MEI1: variants seen among roughly 807,000 people sequenced by gnomAD.
MEI1 encodes the protein meiosis inhibitor protein 1.
MEI1 carries 103 observed loss-of-function variants against 146.2 expected under a neutral mutation model. That is an observed-to-expected ratio of 0.70 (90% CI 0.60 to 0.83). The LOEUF is 0.83. Among genes scored for constraint, MEI1 ranks in the 40% least tolerant of loss-of-function variants. The pLI, the probability that MEI1 is intolerant of heterozygous loss-of-function variation, is 0.00. For synonymous variants in MEI1, 652 were observed against 628.2 expected (o/e 1.04, Z -0.57); for missense variants, 1,529 against 1,533.0 (o/e 1.00, Z 0.04).
chr22:41,781,842 G>T lies in MEI1; in HGVS notation c.3084G>T (p.Leu1028Phe). Residue 1028 changes from leucine (L) to phenylalanine (F), a missense_variant, in exon 24 of 31, where the codon TTG becomes TTT. Leu to Phe is a conservative substitution (Grantham distance 22). This residue lies in a region of MEI1 where 313 missense variants were observed against 337.3 expected (regional missense o/e 0.93). Coordinates refer to ENST00000401548, the MANE Select transcript of MEI1 (RefSeq NM_152513.4). The stretch of plus-strand genomic sequence containing the variant: ...CTGCCCAGCAGCACAAGGGCAGTTT[G>T]CAGGTTAGTCTTTAACTCCTGTGGC... Reference protein sequence around the residue: ...SFSAQQHKGSLQVHQTLSVEM... With the variant: ...SFSAQQHKGSFQVHQTLSVEM... 1 of 1,613,950 alleles carries T rather than the reference G, an allele frequency of 6.2e-7. No homozygotes were observed. Among genetic ancestry groups the T allele is most frequent in the East Asian group, 2.2e-5 (1 of 44,882 alleles).
intron 6 of MEI1, among the ~76,000 whole-genome samples, chr22:41,723,457 C>T (rs2071046854): frequency 6.6e-6 from 1 of 152,158 alleles, no homozygotes; most frequent in African/African-American, 2.4e-5. Flanking sequence ...TCAAGTGATA[C>T]ACCCACCTTG....
chr22:41,752,538 C>T (rs1001229207), intron 15 of MEI1, 53 bp from the exon 16 acceptor site: 2 of 1,498,914 alleles, frequency 1.3e-6, no homozygotes, highest in African/African-American at 2.8e-5. Flanking sequence ...TTGGGACTCT[C>T]TGTGACAAGT....
chr22:41,793,032 CTTTTTTTTTTTTTTTTT>C (rs869223251), intron 26 of MEI1, among the ~76,000 whole-genome samples: 3 of 48,398 alleles, frequency 6.2e-5, no homozygotes, highest in Non-Finnish European at 1.1e-4. Flanking sequence ...ACAAAGCATT[CTTTTTTTTTTTTTTTTT>C]TTTTTTTTTT....
intron 11 of MEI1, among the ~76,000 whole-genome samples, chr22:41,732,932 C>T (rs575957384): frequency 1.4e-3 from 215 of 151,972 alleles, no homozygotes; most frequent in African/African-American, 4.8e-3. Context: ...AGGTGTGTAC[C>T]ACCATGCCCA....
At chr22:41,703,542 G>C (rs2068865992) in intron 2 of MEI1, 88 bp downstream of exon 2, 2 of 1,258,570 alleles carry the variant, frequency 1.6e-6, no homozygotes, top group Non-Finnish European at 2.1e-6. Flanking sequence ...GATCTTAGAT[G>C]ATTTAGGTTT....
At chr22:41,745,828 T>G in intron 13 of MEI1, 57 bp from the exon 14 acceptor site, 1 of 1,511,014 alleles carries the variant, frequency 6.6e-7, no homozygotes. Context: ...AGGAAGCTGT[T>G]TGTAACCTTT....
intron 3 of MEI1, among the ~76,000 whole-genome samples, chr22:41,710,891 C>T (rs1445265777): frequency 6.6e-6 from 1 of 152,158 alleles, no homozygotes; most frequent in Non-Finnish European, 1.5e-5. Context: ...TCAATTTAGC[C>T]TTGACAAGGG....
At chr22:41,793,175 T>C (rs1428748688) in intron 26 of MEI1, among the ~76,000 whole-genome samples, 2 of 151,304 alleles carry the variant, frequency 1.3e-5, no homozygotes, top group East Asian at 3.9e-4. Context: ...TAGCTGGGAT[T>C]ACAGGCGCCC....
intron 7 of MEI1, 71 bp from the exon 8 acceptor site, chr22:41,729,594 G>T: frequency 2.2e-6 from 2 of 912,890 alleles, no homozygotes; most frequent in East Asian, 2.6e-5. Context: ...ATTGCCCTGA[G>T]GCACCTAGGC....
intron 7 of MEI1, among the ~76,000 whole-genome samples, chr22:41,728,657 G>T (rs533031221): frequency 6.6e-6 from 1 of 152,168 alleles, no homozygotes; most frequent in East Asian, 1.9e-4. Context: ...TTAAGCTCAG[G>T]AATTTGAGAC....
Position 41,799,247 on chromosome 22 carries a change from C to T in MEI1, c.3780-7C>T. On this transcript the variant is annotated splice_region_variant and splice_polypyrimidine_tract_variant and intron_variant, in intron 30 of 30. Transcript: ENST00000401548. ...TCTGCTGTTTTCCTCTCATGTTTTG[C>T]TGCCAGCTGCCTGGGAGGGGTGGCT... 2 of 1,612,998 alleles carry T rather than the reference C, an allele frequency of 1.2e-6. No homozygotes were observed. Among genetic ancestry groups the T allele is most frequent in the African/African-American group, 1.3e-5 (1 of 74,972 alleles).
chr22:41,773,970 G>A (rs1716836423), intron 20 of MEI1, among the ~76,000 whole-genome samples: 2 of 152,130 alleles, frequency 1.3e-5, no homozygotes, highest in Admixed American at 1.3e-4. Flanking sequence ...TCTAGCCAGA[G>A]GAAGGAAAAA....
In MEI1 at chr22:41,708,778, A is replaced by C. The variant is rs778010922; in HGVS notation, c.349+3224A>C. On this transcript the variant is annotated intron_variant, in intron 3 of 30. Coordinates refer to ENST00000401548, the MANE Select transcript of MEI1 (RefSeq NM_152513.4). ...CGACAGATGCCATCTCAGTGGCATCACTGGAAAGTCTAGATTGCCTGACAC... is the reference window on the plus strand; with the variant it reads ...CGACAGATGCCATCTCAGTGGCATCCCTGGAAAGTCTAGATTGCCTGACAC... Among the ~76,000 whole-genome samples, 12 of 152,222 alleles carry C rather than the reference A, an allele frequency of 7.9e-5. 1 individual carries two copies.
intron 18 of MEI1, among the ~76,000 whole-genome samples, chr22:41,761,404 T>C (rs1438790732): frequency 6.7e-6 from 1 of 148,838 alleles, no homozygotes; most frequent in Non-Finnish European, 1.5e-5. Context: ...AAGCTCTGCC[T>C]CCCGGGTTCA....
rs1025101350 is a variant in MEI1, at chr22:41,738,442, C to T, written c.1332-4638C>T. On this transcript the variant is annotated intron_variant, in intron 11 of 30. Transcript: ENST00000401548. ...TTTCTACTAAAAATATAAAAATTAGCTGAGCACAGTGGCGGGTGCCTGTAA... is the reference window on the plus strand; with the variant it reads ...TTTCTACTAAAAATATAAAAATTAGTTGAGCACAGTGGCGGGTGCCTGTAA... Among the ~76,000 whole-genome samples, 63 of 152,304 alleles carry T rather than the reference C, an allele frequency of 4.1e-4. 1 individual carries two copies. The highest frequency in any genetic ancestry group is 3.4e-3 in the Middle Eastern group (1 of 294).
intron 9 of MEI1, 39 bp from the exon 10 acceptor site, chr22:41,732,206 G>A (rs1364379301): frequency 1.3e-6 from 2 of 1,505,778 alleles, no homozygotes; most frequent in Non-Finnish European, 1.8e-6. Context: ...GAACAAGAGA[G>A]CACTGATCCC....
intron 20 of MEI1, chr22:41,774,498 G>A (rs1338567714): frequency 6.6e-6 from 1 of 152,068 alleles, no homozygotes; most frequent in African/African-American, 2.4e-5. Flanking sequence ...GTAAAGTAAA[G>A]GTATTGGAAA....
intron 7 of MEI1, among the ~76,000 whole-genome samples, chr22:41,725,475 A>C (rs768217595): frequency 1.4e-4 from 21 of 152,214 alleles, no homozygotes; most frequent in Non-Finnish European, 2.8e-4. Flanking sequence ...GAATACTTAC[A>C]GCAATAGAAA....
At chr22:41,783,109 T>C (rs2075824181) in intron 24 of MEI1, among the ~76,000 whole-genome samples, 1 of 152,208 alleles carries the variant, frequency 6.6e-6, no homozygotes, top group African/African-American at 2.4e-5. Flanking sequence ...TGGCCAGGCA[T>C]TTGTGCTTCT....
Sources: allele counts gnomAD v4.1 joint callset (sites outside exome capture counted in the v4.1 genomes callset), GRCh38; gene constraint gnomAD v4.1.1; regional missense constraint gnomAD v4.1.1; transcripts MANE v1.5; gene names NCBI Gene and HGNC (gene_info 2026-07-23, HGNC 2026-07-21).